Variants in NRDC observed in about 807,000 individuals in gnomAD.
NRDC encodes the protein nardilysin convertase.
In NRDC, 54 loss-of-function variants were observed where a neutral mutation model predicts 147.1. That is an observed-to-expected ratio of 0.37 (90% CI 0.29 to 0.46). The LOEUF is 0.46. Among genes scored for constraint, NRDC ranks in the 20% least tolerant of loss-of-function variants. NRDC has a pLI of 1.00. For missense variants in NRDC, 1,082 were observed against 1,370.6 expected (o/e 0.79, Z 3.33); for synonymous variants, 440 against 482.1 (o/e 0.91, Z 1.14).
chr1:51,819,234 G>A (rs1680106782), intron 9 of NRDC, among the ~76,000 whole-genome samples: 2 of 151,132 alleles, frequency 1.3e-5, no homozygotes, highest in South Asian at 4.2e-4. Flanking sequence ...CCTGGGAGGC[G>A]AAGCAGTGAG....
At position 51,812,213 on chromosome 1, in the gene NRDC, A is replaced by G. The variant is rs1392025007; in HGVS notation, c.1675-115T>C. The stretch of plus-strand genomic sequence containing the variant: ...TAACAATAAAACCAAAAGCTTCTGA[A>G]CAGATACAACGAGATATAATTGCAG... On this transcript the variant is annotated intron_variant, in intron 14 of 30. Coordinates refer to ENST00000352171, the MANE Select transcript of NRDC (RefSeq NM_001101662.2). 8.6e-6 allele frequency: 6 copies of G among 698,140 alleles called. No individual in the cohort carries two copies. The South Asian group carries it at 9.3e-5, about 11-fold the overall frequency. The allele number at this position is 698,140 out of a possible 1,614,324, so 43.2% of individuals were successfully genotyped here.
At chr1:51,847,824 C>T (rs1345121870) in intron 1 of NRDC, among the ~76,000 whole-genome samples, 1 of 152,204 alleles carries the variant, frequency 6.6e-6, no homozygotes. Context: ...CACAGTGCAG[C>T]GGCGGCCTGA....
chr1:51,878,465 G>T lies in NRDC; in HGVS notation c.151C>A (p.Pro51Thr), dbSNP rs1421348339. The T allele has an allele frequency of 6.2e-7, 1 of 1,613,802 alleles. No individual in the cohort carries two copies. The highest frequency in any genetic ancestry group is 8.5e-7 in the Non-Finnish European group (1 of 1,180,036). ...AARPFPILAM[P>T]GRNKAKSTCS... ...GTAGACTTCGCCTTGTTCCTTCCAG[G>T]CATGGCCAGAATAGGAAAGGGTCTG... The change falls in exon 1 of 31, where the codon CCT becomes ACT. Residue 51 changes from proline to threonine, a missense_variant. Physicochemically the swap from Pro to Thr is conservative, Grantham distance 38. Coordinates refer to ENST00000352171, the MANE Select transcript of NRDC (RefSeq NM_001101662.2).
At chr1:51,824,261 G>A (rs984273906) in intron 6 of NRDC, among the ~76,000 whole-genome samples, 1 of 151,908 alleles carries the variant, frequency 6.6e-6, no homozygotes, top group African/African-American at 2.4e-5. Flanking sequence ...AAGTAGCTGG[G>A]ACTACAGGCA....
Position 51,845,431 on chromosome 1 carries a change from TAAG to T in NRDC, c.342-4920_342-4918del, listed in dbSNP as rs1407465680. Among the ~76,000 whole-genome samples, 5 of 152,106 alleles carry T rather than the reference TAAG, an allele frequency of 3.3e-5. No homozygotes were observed. In the East Asian group the frequency reaches 9.6e-4, roughly 29 times the overall value. On this transcript the variant is annotated intron_variant, in intron 1 of 30. Transcript: ENST00000352171. Reference sequence around the variant, plus strand: ...AACAATGGCGAAAACCCGACTCTATTAAGAATACAAATATTAGCTTGTGTGGTG... The same window carrying T: ...AACAATGGCGAAAACCCGACTCTATTAATACAAATATTAGCTTGTGTGGTG...
At chr1:51,797,027 C>T (rs1678959049) in intron 22 of NRDC, among the ~76,000 whole-genome samples, 1 of 151,546 alleles carries the variant, frequency 6.6e-6, no homozygotes, top group Admixed American at 6.6e-5. Context: ...GGTGAAATCC[C>T]ATCTCTGCTA....
At chr1:51,826,405 TATCTG>T (rs1158388464) in intron 5 of NRDC, among the ~76,000 whole-genome samples, 1 of 152,094 alleles carries the variant, frequency 6.6e-6, no homozygotes, top group Admixed American at 6.6e-5. Flanking sequence ...AGAGTATAAA[TATCTG>T]AACACTTAGA....
At chr1:51,832,563 G>A (rs1680767593) in intron 4 of NRDC, among the ~76,000 whole-genome samples, 1 of 152,074 alleles carries the variant, frequency 6.6e-6, no homozygotes, top group Non-Finnish European at 1.5e-5. Context: ...AGACAAACGT[G>A]AGGTTTCTTT....
intron 1 of NRDC, among the ~76,000 whole-genome samples, chr1:51,846,827 T>C (rs1254286732): frequency 6.6e-6 from 1 of 152,218 alleles, no homozygotes; most frequent in Non-Finnish European, 1.5e-5. Context: ...AGAGAGCCGA[T>C]TGGTCTGTTC....
intron 4 of NRDC, among the ~76,000 whole-genome samples, chr1:51,830,899 C>G (rs1416097594): frequency 6.6e-6 from 1 of 152,050 alleles, no homozygotes; most frequent in Non-Finnish European, 1.5e-5. Flanking sequence ...TTTTGCTAAC[C>G]TATTAAAAAC....
chr1:51,792,326 A>AT, intron 25 of NRDC, 51 bp downstream of exon 25: 1 of 1,589,938 alleles, frequency 6.3e-7, no homozygotes, highest in African/African-American at 1.3e-5. Flanking sequence ...GCCGGGCCTC[A>AT]TAGTGGGTCA....
chr1:51,806,669 C>A, intron 18 of NRDC, 125 bp downstream of exon 18: 1 of 928,994 alleles, frequency 1.1e-6, no homozygotes, highest in Non-Finnish European at 1.6e-6. Flanking sequence ...CTGATAGAGG[C>A]ACCCAGCCCC....
chr1:51,798,547 G>T, intron 21 of NRDC, 136 bp from the exon 22 acceptor site: 1 of 691,980 alleles, frequency 1.4e-6, no homozygotes, highest in South Asian at 2.5e-5. Context: ...ATGTAAGATG[G>T]GAAAACAGTA....
At position 51,846,258 on chromosome 1, in the gene NRDC, G is replaced by A. The variant is rs149113355; in HGVS notation, c.342-5744C>T. Among the ~76,000 whole-genome samples, 1,112 of 152,082 alleles carry A rather than the reference G, an allele frequency of 7.3e-3. 13 individuals carry two copies. Among genetic ancestry groups the A allele is most frequent in the African/African-American group, 0.026 (1,064 of 41,472 alleles). On this transcript the variant is annotated intron_variant, in intron 1 of 30. Transcript: ENST00000352171. The stretch of plus-strand genomic sequence containing the variant: ...CTCCCGGGTAGCTGGGACCACAGGC[G>A]TGCACCACCGCACCTGGTTAATTTT...
chr1:51,791,993 A>C lies in NRDC; in HGVS notation c.2876+53T>G. ...TAGGGATATCTGATGAACAGCCTGC[A>C]AAGTAAGCCCTAGGCCCTTATTTGA... On this transcript the variant is annotated intron_variant, in intron 26 of 30. Transcript: ENST00000352171. The C allele has an allele frequency of 1.9e-6, 3 of 1,586,500 alleles. No homozygotes were observed. The Middle Eastern group carries it at 5.0e-4, about 265-fold the overall frequency.
intron 21 of NRDC, chr1:51,799,233 A>G (rs552501412): frequency 1.3e-5 from 2 of 152,242 alleles, no homozygotes; most frequent in Non-Finnish European, 2.9e-5. Flanking sequence ...TCTAGGGTAC[A>G]TGTGCACAAT....
Position 51,825,355 on chromosome 1 carries a change from G to C in NRDC, c.968C>G (p.Ala323Gly). ...SEYQLARPSDANRKEMLFGSL... is the reference protein window; with the variant it reads ...SEYQLARPSDGNRKEMLFGSL... ...TCCAAACAACATTTCCTTTCTGTTT[G>C]CATCAGAAGGCCTTGCAAGTTGATA... is the stretch of plus-strand genomic sequence containing the variant. Residue 323 changes from alanine (A) to glycine (G), a missense_variant, in exon 6 of 31, where the codon GCA (alanine) becomes GGA (glycine). This residue lies in a region of NRDC where 635 missense variants were observed against 923.8 expected (regional missense o/e 0.69). Transcript: ENST00000352171. 1 of 1,586,888 alleles carries C rather than the reference G, an allele frequency of 6.3e-7. No homozygotes were observed. The highest frequency in any genetic ancestry group is 1.4e-5 in the African/African-American group (1 of 73,070).
At chr1:51,798,018 C>T in intron 22 of NRDC, 2 of 471,654 alleles carry the variant, frequency 4.2e-6, no homozygotes, top group East Asian at 3.3e-5. Flanking sequence ...AATGCTTCTG[C>T]CTTGGCCTCC....
At chr1:51,856,787 G>A (rs1373834906) in intron 1 of NRDC, among the ~76,000 whole-genome samples, 1 of 152,072 alleles carries the variant, frequency 6.6e-6, no homozygotes, top group Admixed American at 6.6e-5. Context: ...AGAAAGGCAG[G>A]GAAGATTATA....
Sources: gnomAD v4.1 joint callset for allele counts (sites outside exome capture counted in the v4.1 genomes callset) on GRCh38, gnomAD v4.1.1 for gene constraint, gnomAD v4.1.1 regional missense constraint, MANE v1.5 for transcripts, NCBI Gene and HGNC (gene_info 2026-07-23, HGNC 2026-07-21) for gene names.